USP10: variants seen among roughly 807,000 people sequenced by gnomAD.
The protein encoded by USP10 is ubiquitin carboxyl-terminal hydrolase 10.
Under a neutral mutation model 84.5 loss-of-function variants are expected in USP10, and 22 were observed. The ratio of observed to expected loss-of-function variants is 0.26; its 90% CI spans 0.19 to 0.37. USP10 has a LOEUF of 0.37. Among genes scored for constraint, USP10 ranks in the 10% least tolerant of loss-of-function variants. The pLI is 1.00. For synonymous variants in USP10, 454 were observed against 387.6 expected, an observed-to-expected ratio of 1.17 and a Z score of -2.01; for missense variants, 1,019 against 998.9, an observed-to-expected ratio of 1.02 and a Z score of -0.27.
chr16:84,739,257 G>GT (rs199663831), intron 2 of USP10, among the ~76,000 whole-genome samples: 24,435 of 141,482 alleles, frequency 0.17, 2,120 homozygotes, highest in East Asian at 0.25. Flanking sequence ...GACAGGGTTT[G>GT]TTTTTTTTTT....
At chr16:84,718,965 G>A (rs955749562) in intron 1 of USP10, among the ~76,000 whole-genome samples, 4 of 151,576 alleles carry the variant, frequency 2.6e-5, no homozygotes, top group African/African-American at 7.3e-5. Context: ...GCTAATTTTC[G>A]TATTTTAGTA....
intron 1 of USP10, among the ~76,000 whole-genome samples, chr16:84,731,126 C>G (rs1909169896): frequency 6.6e-6 from 1 of 151,892 alleles, no homozygotes; most frequent in Admixed American, 6.6e-5. Context: ...ACTACAGGTG[C>G]ATGCCACCAT....
chr16:84,730,557 C>G (rs1252995282), intron 1 of USP10, among the ~76,000 whole-genome samples: 1 of 152,144 alleles, frequency 6.6e-6, no homozygotes, highest in South Asian at 2.1e-4. Flanking sequence ...CTGAGCGTTC[C>G]AGCTCATGAC....
chr16:84,779,090 G>C lies in USP10; in HGVS notation c.*8G>C, dbSNP rs765477231. 6 of 1,608,810 alleles carry C rather than the reference G, an allele frequency of 3.7e-6. No homozygotes were observed. The South Asian group carries it at 4.4e-5, about 12-fold the overall frequency. ...CGAGTGGACCTGCTGTAAACCCTGT[G>C]TGCGCTGTGTGTGCGCCCAGTGCCC... On this transcript the variant is annotated 3_prime_UTR_variant, in exon 14 of 14. Coordinates refer to ENST00000219473, the MANE Select transcript of USP10 (RefSeq NM_005153.3).
intron 1 of USP10, among the ~76,000 whole-genome samples, chr16:84,702,784 G>C (rs1202901859): frequency 6.6e-6 from 1 of 152,040 alleles, no homozygotes; most frequent in African/African-American, 2.4e-5. Context: ...CTTGAGGTCA[G>C]GGGTTCGAGA....
At chr16:84,775,118 C>G (rs1339076482) in intron 12 of USP10, 42 bp from the exon 13 acceptor site, 4 of 1,587,498 alleles carry the variant, frequency 2.5e-6, no homozygotes, top group South Asian at 2.2e-5. Flanking sequence ...TACCCTGAAC[C>G]TTTCTAAAAG....
At position 84,702,993 on chromosome 16, in the gene USP10, C is replaced by CAAAA. The variant is rs1157728872; in HGVS notation, c.21+2899_21+2902dup. Among the ~76,000 whole-genome samples the CAAAA allele has an allele frequency of 9.6e-4, 50 of 52,162 alleles. 4 individuals carry two copies. Among genetic ancestry groups the CAAAA allele is most frequent in the African/African-American group, 3.3e-3 (39 of 11,668 alleles). 34.2% of individuals were successfully genotyped at this position (52,162 alleles called of 152,430 possible). On this transcript the variant is annotated intron_variant, in intron 1 of 13. Transcript: ENST00000219473. ...GGGCGACAGAGCAAGACTCCCGTCT[C>CAAAA]AAAAAAAAAAAAAAAAAAAAGAGCG...
chr16:84,728,712 C>T (rs1406494100), intron 1 of USP10, among the ~76,000 whole-genome samples: 1 of 152,108 alleles, frequency 6.6e-6, no homozygotes, highest in African/African-American at 2.4e-5. Flanking sequence ...GGCCATTTTC[C>T]CTTTTTGTAG....
intron 4 of USP10, among the ~76,000 whole-genome samples, chr16:84,756,093 C>G (rs1912504235): frequency 7.2e-6 from 1 of 139,238 alleles, no homozygotes; most frequent in Non-Finnish European, 1.6e-5. Context: ...TCCCCACCCC[C>G]CGCCCCCCAT....
chr16:84,776,509 C>G (rs948839416), intron 13 of USP10, among the ~76,000 whole-genome samples: 1 of 152,204 alleles, frequency 6.6e-6, no homozygotes, highest in Non-Finnish European at 1.5e-5. Flanking sequence ...TGTCTCCAGC[C>G]CTGTCTGGAA....
Position 84,704,619 on chromosome 16 carries a change from G to C in USP10, c.21+4508G>C, listed in dbSNP as rs1481511355. 7 of 1,243,648 alleles carry C rather than the reference G, an allele frequency of 5.6e-6. No individual in the cohort carries two copies. In the Admixed American group the frequency reaches 1.2e-4, roughly 21 times the overall value. 77.0% of individuals were successfully genotyped at this position (1,243,648 alleles called of 1,614,324 possible). A position where few individuals can be genotyped will look rare whatever the true frequency, so the allele number is the denominator to read the frequency against. On this transcript the variant is annotated intron_variant, in intron 1 of 13. Transcript: ENST00000219473. The stretch of plus-strand genomic sequence containing the variant: ...GTGTAGGAAAATAAAGGTAGCCCTT[G>C]GGGTATGTGTATAGTATTTGTTTCA...
intron 1 of USP10, among the ~76,000 whole-genome samples, chr16:84,731,628 CT>C (rs1272575816): frequency 2.6e-5 from 4 of 152,088 alleles, no homozygotes; most frequent in African/African-American, 9.7e-5. Context: ...GAACAAAATC[CT>C]TTTTTCTCGA....
intron 11 of USP10, among the ~76,000 whole-genome samples, chr16:84,769,451 C>T (rs1914197509): frequency 2.0e-5 from 3 of 152,060 alleles, no homozygotes; most frequent in South Asian, 2.1e-4. Context: ...GCAGTAGGAG[C>T]CAGAGGCAGA....
At chr16:84,706,546 A>G (rs532614543) in intron 1 of USP10, among the ~76,000 whole-genome samples, 1 of 147,768 alleles carries the variant, frequency 6.8e-6, no homozygotes, top group Admixed American at 6.8e-5. Context: ...ATTTTTATAT[A>G]TATATATTTT....
At chr16:84,709,276 G>C (rs1160178393) in intron 1 of USP10, 2 of 152,230 alleles carry the variant, frequency 1.3e-5, no homozygotes, top group Non-Finnish European at 2.9e-5. Context: ...CGTTCCCGTG[G>C]AAGTGACGTG....
chr16:84,750,908 A>C (rs1911851390), intron 4 of USP10, among the ~76,000 whole-genome samples: 1 of 152,142 alleles, frequency 6.6e-6, no homozygotes, highest in Admixed American at 6.6e-5. Flanking sequence ...TGTTTATATG[A>C]TTTTTCACAG....
intron 4 of USP10, among the ~76,000 whole-genome samples, chr16:84,753,756 C>A (rs1033180353): frequency 6.6e-6 from 1 of 152,158 alleles, no homozygotes; most frequent in South Asian, 2.1e-4. Context: ...AGTCATTTGC[C>A]GTAACCAACA....
chr16:84,722,635 C>T (rs1483621703), intron 1 of USP10, among the ~76,000 whole-genome samples: 3 of 152,228 alleles, frequency 2.0e-5, no homozygotes, highest in East Asian at 1.9e-4. Flanking sequence ...GATCTTGGCT[C>T]ACTGAAACCT....
At chr16:84,776,973 C>T (rs1330829228) in intron 13 of USP10, among the ~76,000 whole-genome samples, 2 of 152,226 alleles carry the variant, frequency 1.3e-5, no homozygotes, top group Admixed American at 1.3e-4. Context: ...CCACCACATC[C>T]AGCTAATTTT....
Sources: gnomAD v4.1 joint callset for allele counts (sites outside exome capture counted in the v4.1 genomes callset) on GRCh38, gnomAD v4.1.1 for gene constraint, MANE v1.5 for transcripts, NCBI Gene and HGNC (gene_info 2026-07-23, HGNC 2026-07-21) for gene names.